Variants in AKAP12 observed in about 807,000 individuals in gnomAD.
AKAP12 encodes the protein A-kinase anchoring protein 12.
Under a neutral mutation model 79.9 loss-of-function variants are expected in AKAP12, and 32 were observed. The ratio of observed to expected loss-of-function variants is 0.40; its 90% CI spans 0.30 to 0.54. The LOEUF (loss-of-function observed/expected upper bound fraction) is 0.54, where lower values mean the gene tolerates loss of function less well. Among genes scored for constraint, AKAP12 ranks in the 20% least tolerant of loss-of-function variants. The pLI is 0.48. For synonymous variants in AKAP12, 808 were observed against 857.0 expected (o/e 0.94, Z 1.00); for missense variants, 2,074 against 2,177.0 (o/e 0.95, Z 0.94).
At chr6:151,256,967 T>A (rs1235037640) in intron 2 of AKAP12, among the ~76,000 whole-genome samples, 22 of 151,324 alleles carry the variant, frequency 1.5e-4, no homozygotes, top group African/African-American at 4.9e-4. Context: ...TATATAAACT[T>A]TAAATTAACC....
rs1157088954 is a variant in AKAP12 at position 151,304,488 on chromosome 6, C to CAAAAAAAAAAAA, written c.163-1239_163-1228dup. On this transcript the variant is annotated intron_variant, in intron 2 of 4. Transcript: ENST00000402676. ...TGGGTGAAACAGTGACACTCCATCT[C>CAAAAAAAAAAAA]AAAAAAAAAAAAAAAAAAAAAAAAA... Among the ~76,000 whole-genome samples the CAAAAAAAAAAAA allele has an allele frequency of 4.0e-3, 186 of 45,994 alleles. 20 individuals are homozygous for CAAAAAAAAAAAA. The highest frequency in any genetic ancestry group is 9.3e-3 in the East Asian group (10 of 1,072). The allele number at this position is 45,994 out of a possible 152,430, so 30.2% of individuals were successfully genotyped here.
chr6:151,348,682 C>CTA, intron 3 of AKAP12, 29 bp from the exon 4 acceptor site: 1 of 198,918 alleles, frequency 5.0e-6, no homozygotes, highest in Admixed American at 7.0e-5. Flanking sequence ...TTCTCTTCTC[C>CTA]CCACCCCCCC....
intron 3 of AKAP12, among the ~76,000 whole-genome samples, chr6:151,342,745 T>C (rs1185262539): frequency 6.6e-6 from 1 of 152,216 alleles, no homozygotes; most frequent in Non-Finnish European, 1.5e-5. Flanking sequence ...ATTGTTAAGC[T>C]GTACTGAACT....
chr6:151,327,436 A>C (rs1777557603), intron 3 of AKAP12, among the ~76,000 whole-genome samples: 1 of 152,126 alleles, frequency 6.6e-6, no homozygotes, highest in Non-Finnish European at 1.5e-5. Context: ...TTTTTCCCCC[A>C]GATCATTAAC....
Position 151,240,744 on chromosome 6 carries a change from C to A in AKAP12, c.162+20C>A, listed in dbSNP as rs1357033892. ...ACCAAGGTACGGGCGTGCCGGGCCACCTGCGCCGGGAGGCGCGGGTCTTTG... is the reference window on the plus strand; with the variant it reads ...ACCAAGGTACGGGCGTGCCGGGCCAACTGCGCCGGGAGGCGCGGGTCTTTG... On this transcript the variant is annotated intron_variant, in intron 2 of 4. Transcript: ENST00000402676. The A allele has an allele frequency of 2.5e-6, 3 of 1,208,024 alleles. No individual in the cohort carries two copies. In the African/African-American group the frequency reaches 4.8e-5, roughly 19 times the overall value. 74.8% of individuals were successfully genotyped at this position (1,208,024 alleles called of 1,614,324 possible). A position where few individuals can be genotyped will look rare whatever the true frequency, so the allele number is the denominator to read the frequency against.
chr6:151,324,479 T>C (rs1777475756), intron 3 of AKAP12: 2 of 985,414 alleles, frequency 2.0e-6, no homozygotes, highest in Non-Finnish European at 2.4e-6. Flanking sequence ...CTTCCATTTT[T>C]CCCTGATTCT....
At chr6:151,281,606 T>A (rs1224370328) in intron 2 of AKAP12, among the ~76,000 whole-genome samples, 1 of 152,236 alleles carries the variant, frequency 6.6e-6, no homozygotes, top group Admixed American at 6.5e-5. Context: ...TGATGCTATA[T>A]AGAATTTTAA....
chr6:151,340,086 C>T lies in AKAP12; in HGVS notation c.320-8625C>T, dbSNP rs190248286. 5.9e-4 allele frequency among the ~76,000 whole-genome samples: 90 copies of T among 152,014 alleles called. 1 individual carries two copies. The Middle Eastern group carries it at 0.01, about 17-fold the overall frequency. On this transcript the variant is annotated intron_variant, in intron 3 of 4. Coordinates refer to ENST00000402676, the MANE Select transcript of AKAP12 (RefSeq NM_005100.4). Reference sequence around the variant, plus strand: ...GATTACAGGTGCCCACCACAATGCCCGGCTAATTTTTGTTTGTTTGTTTGT... The same window carrying T: ...GATTACAGGTGCCCACCACAATGCCTGGCTAATTTTTGTTTGTTTGTTTGT...
chr6:151,337,553 A>G (rs1777850063), intron 3 of AKAP12, among the ~76,000 whole-genome samples: 2 of 151,370 alleles, frequency 1.3e-5, no homozygotes, highest in African/African-American at 4.9e-5. Context: ...AACTGTAAAC[A>G]TACAGAAAGT....
chr6:151,279,786 C>T (rs1776360963), intron 2 of AKAP12, among the ~76,000 whole-genome samples: 1 of 151,870 alleles, frequency 6.6e-6, no homozygotes, highest in Non-Finnish European at 1.5e-5. Context: ...GTTGAGTCTG[C>T]AGTGAGCTAA....
intron 2 of AKAP12, among the ~76,000 whole-genome samples, chr6:151,265,639 C>T (rs1471152685): frequency 2.0e-5 from 3 of 152,294 alleles, no homozygotes; most frequent in East Asian, 1.9e-4. Flanking sequence ...AAAAGGACCA[C>T]TTAGTTTAAA....
chr6:151,324,983 A>C (rs1470683019), intron 3 of AKAP12: 5 of 985,322 alleles, frequency 5.1e-6, no homozygotes, highest in Non-Finnish European at 6.0e-6. Flanking sequence ...TTGATCTAAA[A>C]AGTTAGCTAA....
Position 151,352,700 on chromosome 6 carries a change from A to G in AKAP12, c.4309A>G (p.Ile1437Val). ...EEKVLGETAN[I>V]LETGETLEPA... Reference sequence around the variant, plus strand: ...AAAGGTCTTAGGAGAAACTGCCAACATTTTAGAAACAGGTGAAACGTTGGA... The same window carrying G: ...AAAGGTCTTAGGAGAAACTGCCAACGTTTTAGAAACAGGTGAAACGTTGGA... The change falls in exon 4 of 5, where the codon ATT becomes GTT. Residue 1437 changes from isoleucine (I) to valine (V), a missense_variant. Physicochemically the swap from Ile to Val is conservative, Grantham distance 29. Around this residue, in one of 3 missense-constraint regions of AKAP12, gnomAD observed 614 missense variants for 665.6 expected, o/e 0.92. Transcript: ENST00000402676. 3.1e-6 allele frequency: 5 copies of G among 1,614,238 alleles called. No homozygotes were observed. Among genetic ancestry groups the G allele is most frequent in the South Asian group, 1.1e-5 (1 of 91,086 alleles).
chr6:151,252,050 ACT>A (rs1321465982), intron 2 of AKAP12, among the ~76,000 whole-genome samples: 2 of 151,924 alleles, frequency 1.3e-5, no homozygotes, highest in East Asian at 3.9e-4. Context: ...TTTGAGGCAG[ACT>A]CTCTAGATAA....
chr6:151,289,582 T>C (rs1379753334), intron 2 of AKAP12, among the ~76,000 whole-genome samples: 1 of 152,182 alleles, frequency 6.6e-6, no homozygotes, highest in African/African-American at 2.4e-5. Flanking sequence ...TTTTTCTCAG[T>C]AGAGTAAGGT....
chr6:151,336,139 G>T (rs1777808660), intron 3 of AKAP12, among the ~76,000 whole-genome samples: 1 of 152,144 alleles, frequency 6.6e-6, no homozygotes, highest in Non-Finnish European at 1.5e-5. Context: ...TGGTGTATAT[G>T]GACCACATTT....
At position 151,353,504 on chromosome 6, in the gene AKAP12, G is replaced by A. The variant is rs773427321; in HGVS notation, c.5113G>A (p.Asp1705Asn). The A allele has an allele frequency of 6.2e-7, 1 of 1,614,166 alleles. No homozygotes were observed. The highest frequency in any genetic ancestry group is 1.1e-5 in the South Asian group (1 of 91,076). Residue 1705 changes from aspartate (D) to asparagine (N), a missense_variant, in exon 4 of 5, where the codon GAT becomes AAT. Physicochemically the swap from Asp to Asn is conservative, Grantham distance 23. Transcript: ENST00000402676. Reference protein sequence around the residue: ...PKEDEKGDDVDDPENQNSALA... With the variant: ...PKEDEKGDDVNDPENQNSALA... ...AGAAGATGAAAAAGGTGATGATGTT[G>A]ATGACCCTGAAAACCAGAACTCAGC...
intron 3 of AKAP12, among the ~76,000 whole-genome samples, chr6:151,331,563 A>T (rs951758258): frequency 2.0e-5 from 3 of 152,184 alleles, no homozygotes; most frequent in Non-Finnish European, 4.4e-5. Flanking sequence ...AGCTTCATCC[A>T]TATCCAGCCT....
intron 3 of AKAP12, chr6:151,341,659 G>C: frequency 1.8e-6 from 2 of 1,138,662 alleles, no homozygotes; most frequent in Non-Finnish European, 2.2e-6. Context: ...GGCTGCGCGC[G>C]CCATGCCCTG....
Sources: gnomAD v4.1 joint callset for allele counts (sites outside exome capture counted in the v4.1 genomes callset) on GRCh38, gnomAD v4.1.1 for gene constraint, gnomAD v4.1.1 regional missense constraint, MANE v1.5 for transcripts, NCBI Gene and HGNC (gene_info 2026-07-23, HGNC 2026-07-21) for gene names.